The following CSMD1 variants were observed in gnomAD, a reference collection of about 807,000 sequenced individuals.
The protein encoded by CSMD1 is CUB and sushi domain-containing protein 1.
Under a neutral mutation model 417.5 loss-of-function variants are expected in CSMD1, and 213 were observed. That is an observed-to-expected ratio of 0.51 (90% CI 0.46 to 0.57). The LOEUF is 0.57. Among genes scored for constraint, CSMD1 ranks in the 20% least tolerant of loss-of-function variants. The pLI, the probability that CSMD1 is intolerant of heterozygous loss-of-function variation, is 0.00. For missense variants in CSMD1, 6,923 were observed against 4,529.7 expected, an observed-to-expected ratio of 1.53 and a Z score of -15.17; for synonymous variants, 2,862 against 1,736.8, an observed-to-expected ratio of 1.65 and a Z score of -16.11.
At chr8:4,411,749 A>T (rs548013302) in intron 3 of CSMD1, among the ~76,000 whole-genome samples, 7 of 152,300 alleles carry the variant, frequency 4.6e-5, no homozygotes, top group Admixed American at 3.9e-4. Flanking sequence ...AGACGTTCAC[A>T]TACCTATCCA....
intron 3 of CSMD1, among the ~76,000 whole-genome samples, chr8:4,247,886 TGAGG>T (rs574129246): frequency 1.1e-4 from 16 of 152,174 alleles, no homozygotes; most frequent in Admixed American, 3.3e-4. Flanking sequence ...AAATTTTTCT[TGAGG>T]GATAAATTTT....
intron 7 of CSMD1, among the ~76,000 whole-genome samples, chr8:3,683,216 A>T (rs1184555098): frequency 6.6e-6 from 1 of 151,500 alleles, no homozygotes; most frequent in African/African-American, 2.4e-5. Flanking sequence ...AAATATATAA[A>T]ATTAAAAAAT....
At chr8:3,035,219 A>T (rs1810593482) in intron 50 of CSMD1, among the ~76,000 whole-genome samples, 1 of 152,192 alleles carries the variant, frequency 6.6e-6, no homozygotes, top group Non-Finnish European at 1.5e-5. Context: ...CCACCATCAT[A>T]GGCAGATACT....
chr8:4,434,407 G>C (rs982076573), intron 2 of CSMD1, among the ~76,000 whole-genome samples: 1 of 152,130 alleles, frequency 6.6e-6, no homozygotes, highest in Admixed American at 6.5e-5. Context: ...TGAGTGTTTG[G>C]CAGCACAAGC....
chr8:3,569,706 T>G (rs151252039), intron 10 of CSMD1, among the ~76,000 whole-genome samples: 1 of 152,190 alleles, frequency 6.6e-6, no homozygotes, highest in Non-Finnish European at 1.5e-5. Flanking sequence ...AGAAACCCAC[T>G]TACTTGGAAT....
chr8:4,765,394 T>C (rs1051152885), intron 1 of CSMD1, among the ~76,000 whole-genome samples: 22 of 152,318 alleles, frequency 1.4e-4, no homozygotes, highest in African/African-American at 5.1e-4. Flanking sequence ...AGATAATACA[T>C]TGAGGATTAT....
intron 26 of CSMD1, among the ~76,000 whole-genome samples, chr8:3,255,911 C>T (rs184314318): frequency 3.9e-5 from 6 of 152,188 alleles, no homozygotes; most frequent in Admixed American, 3.9e-4. Context: ...TGAGATGAAC[C>T]TGGTACCTCA....
Position 4,357,550 on chromosome 8 carries a change from GA to G in CSMD1, c.415+62402del, listed in dbSNP as rs35981216. Among the ~76,000 whole-genome samples, 333 of 149,294 alleles carry G rather than the reference GA, an allele frequency of 2.2e-3. 3 individuals carry two copies. Among genetic ancestry groups the G allele is most frequent in the African/African-American group, 7.1e-3 (288 of 40,754 alleles). Reference sequence around the variant, plus strand: ...TAAGTAAGTTGGAAATGCACAGTTGGAAAAAAAAAATCTGTCATTCTCCATG... The same window carrying G: ...TAAGTAAGTTGGAAATGCACAGTTGGAAAAAAAAATCTGTCATTCTCCATG... On this transcript the variant is annotated intron_variant, in intron 3 of 69. Coordinates refer to ENST00000635120, the MANE Select transcript of CSMD1 (RefSeq NM_033225.6).
chr8:3,052,578 C>G lies in CSMD1; in HGVS notation c.7544G>C (p.Ser2515Thr), dbSNP rs1258141234. ...CTCATGACATTCATAGACCACTTTA[C>G]TGTCCAAAGTGAACTCGTTCCCGGT... ...SFTGNEFTLD[S>T]KVVYECHEGF... Residue 2515 changes from serine (S) to threonine (T), a missense_variant, in exon 50 of 70, where the codon AGT (serine) becomes ACT (threonine). Coordinates refer to ENST00000635120, the MANE Select transcript of CSMD1 (RefSeq NM_033225.6). The G allele has an allele frequency of 1.2e-6, 2 of 1,611,554 alleles. No individual in the cohort carries two copies. The highest frequency in any genetic ancestry group is 4.5e-5 in the East Asian group (2 of 44,820).
chr8:4,858,134 C>A (rs1801913681), intron 1 of CSMD1, among the ~76,000 whole-genome samples: 1 of 150,442 alleles, frequency 6.6e-6, no homozygotes, highest in African/African-American at 2.4e-5. Context: ...AAATGTAATC[C>A]AGCATATAAA....
rs528857770 is a variant in CSMD1 at position 4,741,525 on chromosome 8, T to A, written c.86-103967A>T. Among the ~76,000 whole-genome samples the A allele has an allele frequency of 2.6e-5, 4 of 152,258 alleles. No homozygotes were observed. In the East Asian group the frequency reaches 7.7e-4, roughly 29 times the overall value. ...TCCGTAAGCATGATCAAAACAAAAA[T>A]AATTGCATGTTTTGAATAATAAGAA... On this transcript the variant is annotated intron_variant, in intron 1 of 69. Transcript: ENST00000635120.
intron 2 of CSMD1, among the ~76,000 whole-genome samples, chr8:4,604,381 T>TTGTGTGTGTGTGTGTGTGTG (rs368710127): frequency 3.1e-4 from 28 of 91,618 alleles, no homozygotes; most frequent in African/African-American, 8.1e-4. Context: ...ACAAATAGCA[T>TTGTGTGTGTGTGTGTGTGTG]TGTGTGTGTG....
chr8:4,580,621 C>T (rs568439912), intron 2 of CSMD1, among the ~76,000 whole-genome samples: 29 of 152,260 alleles, frequency 1.9e-4, no homozygotes, highest in Non-Finnish European at 3.2e-4. Flanking sequence ...TCCCCTCCTT[C>T]TTCTTCGTGG....
intron 4 of CSMD1, among the ~76,000 whole-genome samples, chr8:4,024,911 G>A (rs909775181): frequency 2.0e-5 from 3 of 151,056 alleles, no homozygotes; most frequent in Non-Finnish European, 4.4e-5. Flanking sequence ...ATAAATGAAA[G>A]CATGTAAAAA....
intron 1 of CSMD1, among the ~76,000 whole-genome samples, chr8:4,793,001 TA>T (rs1430168166): frequency 3.3e-5 from 5 of 151,686 alleles, no homozygotes; most frequent in African/African-American, 7.3e-5. Context: ...TATATATATA[TA>T]TATATCTCCA....
intron 31 of CSMD1, among the ~76,000 whole-genome samples, chr8:3,202,439 G>C (rs567001938): frequency 2.0e-5 from 3 of 152,278 alleles, no homozygotes; most frequent in South Asian, 2.1e-4. Context: ...GTTATGAAAG[G>C]TGTGTGAACA....
chr8:4,741,641 G>T (rs1029908616), intron 1 of CSMD1, among the ~76,000 whole-genome samples: 4 of 152,216 alleles, frequency 2.6e-5, no homozygotes, highest in East Asian at 1.9e-4. Context: ...GAACACACAC[G>T]AGTTTACTTA....
chr8:3,871,768 T>G (rs1477563852), intron 5 of CSMD1, among the ~76,000 whole-genome samples: 1 of 152,202 alleles, frequency 6.6e-6, no homozygotes, highest in Non-Finnish European at 1.5e-5. Flanking sequence ...AAATGGTGGA[T>G]GACATAAAGA....
chr8:4,413,184 C>T (rs537958571), intron 3 of CSMD1, among the ~76,000 whole-genome samples: 44 of 152,272 alleles, frequency 2.9e-4, no homozygotes, highest in Non-Finnish European at 4.9e-4. Flanking sequence ...ACCTTAAATT[C>T]ACAAACATCC....
Sources: allele counts gnomAD v4.1 joint callset (sites outside exome capture counted in the v4.1 genomes callset), GRCh38; gene constraint gnomAD v4.1.1; transcripts MANE v1.5; gene names NCBI Gene and HGNC (gene_info 2026-07-23, HGNC 2026-07-21).